Variants in TPST2 observed in about 807,000 individuals in gnomAD.
The protein encoded by TPST2 is tyrosylprotein sulfotransferase 2, also known as protein-tyrosine sulfotransferase 2.
TPST2 carries 16 observed loss-of-function variants against 27.8 expected under a neutral mutation model. The observed-to-expected ratio is 0.58, with a 90% CI of 0.39 to 0.88. The LOEUF (loss-of-function observed/expected upper bound fraction) is 0.88, where lower values mean the gene tolerates loss of function less well. Ranked by LOEUF, TPST2 falls within the 40% of genes least tolerant of loss-of-function variation. The pLI is 0.00. For synonymous variants in TPST2, 229 were observed against 231.7 expected, an observed-to-expected ratio of 0.99 and a Z score of 0.10; for missense variants, 464 against 543.1, an observed-to-expected ratio of 0.85 and a Z score of 1.45.
intron 1 of TPST2, among the ~76,000 whole-genome samples, chr22:26,569,844 G>A (rs1241866712): frequency 3.3e-5 from 5 of 150,678 alleles, no homozygotes; most frequent in African/African-American, 4.9e-5. Flanking sequence ...CCAGCTACTC[G>A]GGAGACTGAA....
At position 26,575,310 on chromosome 22, in the gene TPST2, T is replaced by C. The variant is rs150155004; in HGVS notation, c.-161+14743A>G. On this transcript the variant is annotated intron_variant, in intron 1 of 6. Transcript: ENST00000338754. ...TTGACACCGAATGCCTTCTTGACCC[T>C]GTACTGAAACTATTCCCTCTTCCCA... is the stretch of plus-strand genomic sequence containing the variant. 8.5e-5 allele frequency among the ~76,000 whole-genome samples: 13 copies of C among 152,278 alleles called. No individual in the cohort carries two copies. In the South Asian group the frequency reaches 2.5e-3, roughly 29 times the overall value.
intron 4 of TPST2, among the ~76,000 whole-genome samples, chr22:26,535,515 C>T (rs1925403819): frequency 6.6e-6 from 1 of 152,244 alleles, no homozygotes. Flanking sequence ...TGGAGGCTCA[C>T]ACCTGTAATC....
At chr22:26,552,178 G>A (rs569468559) in intron 1 of TPST2, among the ~76,000 whole-genome samples, 1 of 152,184 alleles carries the variant, frequency 6.6e-6, no homozygotes, top group East Asian at 1.9e-4. Context: ...ACGCCTGGCC[G>A]CCTTTTGATG....
intron 1 of TPST2, among the ~76,000 whole-genome samples, chr22:26,563,885 C>A (rs1927247298): frequency 6.6e-6 from 1 of 152,178 alleles, no homozygotes; most frequent in African/African-American, 2.4e-5. Context: ...TTTAACCAGA[C>A]CCCAGGCGTT....
chr22:26,569,982 AAAG>A (rs1472466055), intron 1 of TPST2, among the ~76,000 whole-genome samples: 7 of 6,932 alleles, frequency 1.0e-3, no homozygotes, highest in Non-Finnish European at 1.3e-3. Context: ...GAAAGAAAGA[AAAG>A]AAAGAAAAAG....
chr22:26,548,323 A>G (rs1391939365), intron 1 of TPST2, among the ~76,000 whole-genome samples: 1 of 87,436 alleles, frequency 1.1e-5, no homozygotes, highest in Non-Finnish European at 2.1e-5. Context: ...TTGAAAGGAA[A>G]GGGAAGGGGA....
At chr22:26,552,747 C>G (rs1686898461) in intron 1 of TPST2, among the ~76,000 whole-genome samples, 1 of 152,044 alleles carries the variant, frequency 6.6e-6, no homozygotes, top group African/African-American at 2.4e-5. Flanking sequence ...GTTTGCCAAC[C>G]CCCTGGTCTA....
In TPST2 at chr22:26,541,706, G is replaced by A. The variant is rs917203989; in HGVS notation, c.-76C>T. 9.9e-5 allele frequency: 146 copies of A among 1,472,386 alleles called. No homozygotes were observed. Among genetic ancestry groups the A allele is most frequent in the Middle Eastern group, 4.9e-4 (2 of 4,122 alleles). 91.2% of individuals were successfully genotyped at this position (1,472,386 alleles called of 1,614,324 possible). On this transcript the variant is annotated 5_prime_UTR_variant, in exon 3 of 7. Transcript: ENST00000338754. This position sits in a 1 kb window ranked among gnomAD's most constrained non-coding sequence, Gnocchi z 5.9. ...TCAGCGACAGGTTAGCGGGCAGCCC[G>A]CCAGGCTCACATCTGGGGAGAGAGG...
chr22:26,538,453 C>T (rs1925603261), intron 3 of TPST2, among the ~76,000 whole-genome samples: 3 of 152,178 alleles, frequency 2.0e-5, no homozygotes, highest in Admixed American at 2.0e-4. Context: ...CTGGAAATAA[C>T]CGAAGTGTCC....
chr22:26,541,188 T>G lies in TPST2; in HGVS notation c.443A>C (p.His148Pro). Residue 148 changes from histidine (H) to proline (P), a missense_variant, in exon 3 of 7, where the codon CAC (histidine) becomes CCC (proline). By Grantham distance (77) the His-to-Pro change is moderately conservative (BLOSUM62 -2). Coordinates refer to ENST00000338754, the MANE Select transcript of TPST2 (RefSeq NM_003595.5). The surrounding 1 kb of genome is among the most constrained non-coding windows in gnomAD (Gnocchi z 5.9). The stretch of plus-strand genomic sequence containing the variant: ...GCAGAGCACGCGGGCCGGCTCTCCG[T>G]GCTTGGCAATCACCTCCAGGATGAA... ...QAFILEVIAK[H>P]GEPARVLCNK... is the part of the protein sequence containing the mutation. 6.3e-7 allele frequency: 1 copy of G among 1,592,380 alleles called. No individual in the cohort carries two copies. Among genetic ancestry groups the G allele is most frequent in the Non-Finnish European group, 8.6e-7 (1 of 1,167,028 alleles).
rs748029376 is a variant in TPST2 at position 26,541,404 on chromosome 22, AC to A, written c.226del (p.Val76CysfsTer8). ...CATCAACGTGGTGCCACTGCGAGGC[AC>A]GCCACCCACGAAGATGAGCGGCATG... ...KAMPLIFVGGVPRSGTTLMRA... is the reference protein window; with the variant it reads ...KAMPLIFVGGXPRSGTTLMRA... On this transcript the variant is annotated frameshift_variant, in exon 3 of 7. Transcript: ENST00000338754. LOFTEE classifies it high-confidence loss of function. The surrounding 1 kb of genome is among the most constrained non-coding windows in gnomAD (Gnocchi z 5.9). The A allele has an allele frequency of 1.2e-5, 18 of 1,564,360 alleles. No homozygotes were observed. Among genetic ancestry groups the A allele is most frequent in the Non-Finnish European group, 1.5e-5 (17 of 1,154,698 alleles).
chr22:26,572,542 G>T (rs576896540), intron 1 of TPST2, among the ~76,000 whole-genome samples: 43 of 152,244 alleles, frequency 2.8e-4, no homozygotes, highest in African/African-American at 1.0e-3. Flanking sequence ...TAATAGATGG[G>T]TCCATACCCT....
chr22:26,528,344 CACT>C (rs1384962649), intron 5 of TPST2, 82 bp from the exon 6 acceptor site: 6 of 1,458,272 alleles, frequency 4.1e-6, no homozygotes, highest in Non-Finnish European at 5.6e-6. Context: ...CCCTCAGCAT[CACT>C]GAGTCATGCA....
chr22:26,561,728 C>T (rs1198202744), intron 1 of TPST2, among the ~76,000 whole-genome samples: 3 of 152,154 alleles, frequency 2.0e-5, no homozygotes, highest in South Asian at 2.1e-4. Flanking sequence ...TAGCATCTCA[C>T]GGAGAGTCCT....
At chr22:26,575,814 T>C (rs1927810731) in intron 1 of TPST2, among the ~76,000 whole-genome samples, 1 of 152,044 alleles carries the variant, frequency 6.6e-6, no homozygotes, top group Non-Finnish European at 1.5e-5. Context: ...ACCACCATGG[T>C]GAAACCCCGT....
At chr22:26,583,530 A>C (rs1928205303) in intron 1 of TPST2, among the ~76,000 whole-genome samples, 1 of 148,652 alleles carries the variant, frequency 6.7e-6, no homozygotes, top group Non-Finnish European at 1.5e-5. Context: ...AGAAACACAG[A>C]GCTGGAAGGG....
chr22:26,536,207 C>T, intron 4 of TPST2, 81 bp downstream of exon 4: 1 of 1,492,880 alleles, frequency 6.7e-7, no homozygotes, highest in Non-Finnish European at 9.2e-7. Context: ...TGAACATTTC[C>T]TCAGGTGGCT....
intron 6 of TPST2, among the ~76,000 whole-genome samples, chr22:26,527,608 G>GTA (rs1371580488): frequency 6.6e-6 from 1 of 152,224 alleles, no homozygotes; most frequent in African/African-American, 2.4e-5. Context: ...AAGCAAACCT[G>GTA]GGAGGAATTC....
chr22:26,551,790 G>A (rs1275303848), intron 1 of TPST2, among the ~76,000 whole-genome samples: 1 of 151,894 alleles, frequency 6.6e-6, no homozygotes, highest in Non-Finnish European at 1.5e-5. Flanking sequence ...ACCTGGAAGA[G>A]TGTCATGGGA....
Sources: allele counts gnomAD v4.1 joint callset (sites outside exome capture counted in the v4.1 genomes callset), GRCh38; gene constraint gnomAD v4.1.1; non-coding constraint Gnocchi (gnomAD v3.1); transcripts MANE v1.5; gene names NCBI Gene and HGNC (gene_info 2026-07-23, HGNC 2026-07-21).